PARPBP: variants seen among roughly 807,000 people sequenced by gnomAD.
PARPBP encodes PCNA-interacting partner.
In PARPBP, 52 loss-of-function variants were observed where a neutral mutation model predicts 50.0. The observed-to-expected ratio is 1.04, with a 90% CI of 0.83 to 1.31. The LOEUF (loss-of-function observed/expected upper bound fraction) is 1.31. PARPBP is among the 50% of genes most tolerant of loss of function. The probability of loss-of-function intolerance (pLI) is 0.00; values close to 1 mark genes in which losing one functional copy is unlikely to be tolerated. For synonymous variants in PARPBP, 244 were observed against 232.1 expected (o/e 1.05, Z -0.47); for missense variants, 697 against 672.0 (o/e 1.04, Z -0.41).
At chr12:102,163,529 T>C (rs543915849) in intron 4 of PARPBP, among the ~76,000 whole-genome samples, 2 of 152,350 alleles carry the variant, frequency 1.3e-5, no homozygotes, top group Non-Finnish European at 1.5e-5. Flanking sequence ...ATGTATTTTT[T>C]CTACTCTTTT....
chr12:102,136,955 G>T lies in PARPBP; in HGVS notation c.154-11275G>T, dbSNP rs377541754. ...TTTTGTTTTGTTTTGTGTTTTTTTTGTTTGTTTGTTTGTTTTTGAGACAGA... is the reference window on the plus strand; with the variant it reads ...TTTTGTTTTGTTTTGTGTTTTTTTTTTTTGTTTGTTTGTTTTTGAGACAGA... On this transcript the variant is annotated intron_variant, in intron 2 of 10. Coordinates refer to ENST00000327680, the MANE Select transcript of PARPBP (RefSeq NM_017915.5). Among the ~76,000 whole-genome samples the T allele has an allele frequency of 9.7e-3, 1,465 of 151,030 alleles. 25 individuals carry two copies. The highest frequency in any genetic ancestry group is 0.032 in the African/African-American group (1,307 of 41,110).
At chr12:102,177,046 G>T (rs1889357224) in intron 7 of PARPBP, among the ~76,000 whole-genome samples, 1 of 152,158 alleles carries the variant, frequency 6.6e-6, no homozygotes, top group Non-Finnish European at 1.5e-5. Flanking sequence ...AACCAAATCA[G>T]AGATCTTTGA....
chr12:102,182,754 G>A (rs760789292), intron 9 of PARPBP, 127 bp downstream of exon 9: 6 of 681,830 alleles, frequency 8.8e-6, no homozygotes, highest in African/African-American at 1.8e-5. Flanking sequence ...GGAATTAAAT[G>A]GAAAATGAGT....
intron 3 of PARPBP, chr12:102,150,331 AC>A (rs781580817): frequency 6.6e-6 from 3 of 451,486 alleles, no homozygotes; most frequent in Admixed American, 2.4e-5. Context: ...TCAAAAATGC[AC>A]TAAGTATAAT....
intron 9 of PARPBP, among the ~76,000 whole-genome samples, chr12:102,185,906 G>A (rs1257332829): frequency 2.0e-5 from 3 of 151,968 alleles, no homozygotes; most frequent in African/African-American, 2.4e-5. Flanking sequence ...CACCTGCCTC[G>A]GCCTCCCAAA....
chr12:102,178,843 G>T (rs1434700013), intron 8 of PARPBP, 73 bp downstream of exon 8: 8 of 978,566 alleles, frequency 8.2e-6, no homozygotes, highest in Non-Finnish European at 1.2e-5. Context: ...TATGCTTATG[G>T]TAGGAAACTT....
At chr12:102,141,341 G>C (rs185123308) in intron 2 of PARPBP, among the ~76,000 whole-genome samples, 141 of 151,918 alleles carry the variant, frequency 9.3e-4, no homozygotes, top group African/African-American at 3.3e-3. Flanking sequence ...TTGCTTGGTA[G>C]ATCTTCCTCC....
At chr12:102,160,431 C>A (rs1043056285) in intron 4 of PARPBP, among the ~76,000 whole-genome samples, 2 of 152,128 alleles carry the variant, frequency 1.3e-5, no homozygotes, top group Admixed American at 6.6e-5. Context: ...ATAGAGATTG[C>A]ATTAAGTTAA....
intron 4 of PARPBP, among the ~76,000 whole-genome samples, chr12:102,155,594 T>TAG (rs1555216733): frequency 2.5e-5 from 1 of 40,452 alleles, no homozygotes; most frequent in Non-Finnish European, 5.6e-5. Context: ...GAGAGCATGG[T>TAG]GGGGGGGGGG....
intron 1 of PARPBP, among the ~76,000 whole-genome samples, chr12:102,121,845 T>C (rs968711438): frequency 6.6e-6 from 1 of 152,142 alleles, no homozygotes; most frequent in Non-Finnish European, 1.5e-5. Context: ...GCAATGCTCT[T>C]TTACTTTTAA....
Position 102,175,668 on chromosome 12 carries a change from TA to T in PARPBP, c.1005+4del. ...ACCACTGACATCAGTCCTGCTCGGG[TA>T]ATGAGCTTTTTATTTTTCATTATCC... On this transcript the variant is annotated splice_donor_region_variant and intron_variant, in intron 7 of 10. Coordinates refer to ENST00000327680, the MANE Select transcript of PARPBP (RefSeq NM_017915.5). 1 of 1,561,144 alleles carries T rather than the reference TA, an allele frequency of 6.4e-7. No individual in the cohort carries two copies. The highest frequency in any genetic ancestry group is 8.7e-7 in the Non-Finnish European group (1 of 1,150,000).
chr12:102,193,319 A>T lies in PARPBP; in HGVS notation c.1264-1993A>T, dbSNP rs568177415. On this transcript the variant is annotated intron_variant, in intron 9 of 10. Coordinates refer to ENST00000327680, the MANE Select transcript of PARPBP (RefSeq NM_017915.5). ...GATTGAAGAAACATTAGTTTTCTGT[A>T]CTAAATAATATAATTATTATTTAGT... Among the ~76,000 whole-genome samples the T allele has an allele frequency of 5.3e-5, 8 of 152,076 alleles. No homozygotes were observed. In the East Asian group the frequency reaches 1.5e-3, roughly 29 times the overall value.
intron 2 of PARPBP, among the ~76,000 whole-genome samples, chr12:102,138,614 G>T (rs1387684531): frequency 6.6e-6 from 1 of 152,092 alleles, no homozygotes; most frequent in Admixed American, 6.5e-5. Context: ...GGTTTTTATG[G>T]TTTTAGGTCT....
intron 2 of PARPBP, among the ~76,000 whole-genome samples, chr12:102,136,092 T>C (rs1366214087): frequency 6.6e-6 from 1 of 152,258 alleles, no homozygotes; most frequent in African/African-American, 2.4e-5. Context: ...TGTTTGCTTT[T>C]TCAACTGACC....
chr12:102,136,732 A>G (rs527997360), intron 2 of PARPBP, among the ~76,000 whole-genome samples: 18 of 152,288 alleles, frequency 1.2e-4, no homozygotes, highest in Admixed American at 1.0e-3. Context: ...TTTTATTTCA[A>G]CTTTCCACAT....
At chr12:102,160,091 T>C (rs769276308) in intron 4 of PARPBP, among the ~76,000 whole-genome samples, 1 of 152,220 alleles carries the variant, frequency 6.6e-6, no homozygotes, top group Non-Finnish European at 1.5e-5. Context: ...ACTATACTTA[T>C]GTGGACTGCT....
At chr12:102,184,957 T>C (rs913656487) in intron 9 of PARPBP, among the ~76,000 whole-genome samples, 19 of 152,202 alleles carry the variant, frequency 1.2e-4, no homozygotes, top group African/African-American at 4.6e-4. Flanking sequence ...ACAGAAAATA[T>C]CTTGAAATGA....
chr12:102,152,209 G>A (rs567589574), intron 3 of PARPBP, among the ~76,000 whole-genome samples: 1 of 152,134 alleles, frequency 6.6e-6, no homozygotes, highest in Non-Finnish European at 1.5e-5. Flanking sequence ...GGCAGCCCCT[G>A]TTCGAAATCT....
chr12:102,195,897 A>G (rs17438988), intron 10 of PARPBP, 54 bp from the exon 11 acceptor site: 192,697 of 1,159,964 alleles, frequency 0.17, 16,843 homozygotes, highest in Non-Finnish European at 0.18. Context: ...GTTCTCGTAA[A>G]TATTAATACT....
Sources: allele counts gnomAD v4.1 joint callset (sites outside exome capture counted in the v4.1 genomes callset), GRCh38; gene constraint gnomAD v4.1.1; transcripts MANE v1.5; gene names NCBI Gene and HGNC (gene_info 2026-07-23, HGNC 2026-07-21).